The following PALM2AKAP2 variants were observed in gnomAD, a reference collection of about 807,000 sequenced individuals.
PALM2AKAP2 encodes the protein PALM2-AKAP2 fusion protein.
In PALM2AKAP2, 37 loss-of-function variants were observed where a neutral mutation model predicts 71.5. The observed-to-expected ratio is 0.52, with a 90% CI of 0.40 to 0.68. The LOEUF is 0.68. Among genes scored for constraint, PALM2AKAP2 ranks in the 30% least tolerant of loss-of-function variants. The pLI, the probability that PALM2AKAP2 is intolerant of heterozygous loss-of-function variation, is 0.00. For missense variants in PALM2AKAP2, 1,224 were observed against 1,191.8 expected (o/e 1.03, Z -0.40); for synonymous variants, 468 against 478.8 (o/e 0.98, Z 0.29).
At chr9:109,828,477 G>C (rs923380389) in intron 1 of PALM2AKAP2, among the ~76,000 whole-genome samples, 2 of 152,120 alleles carry the variant, frequency 1.3e-5, no homozygotes, top group East Asian at 3.9e-4. Flanking sequence ...ATCAAGCATC[G>C]GTCGATGATT....
intron 1 of PALM2AKAP2, among the ~76,000 whole-genome samples, chr9:109,730,986 T>C (rs1272386406): frequency 6.6e-6 from 1 of 152,194 alleles, no homozygotes; most frequent in Non-Finnish European, 1.5e-5. Flanking sequence ...ATTCCTGAAG[T>C]GCTTTCCTTT....
At chr9:109,734,061 T>TTAAA (rs1349425001) in intron 1 of PALM2AKAP2, among the ~76,000 whole-genome samples, 1 of 152,232 alleles carries the variant, frequency 6.6e-6, no homozygotes, top group Non-Finnish European at 1.5e-5. Flanking sequence ...TAACCTTGAC[T>TTAAA]TAAAGTAAGC....
At chr9:110,021,159 G>A (rs891219391) in intron 7 of PALM2AKAP2, among the ~76,000 whole-genome samples, 2 of 152,068 alleles carry the variant, frequency 1.3e-5, no homozygotes, top group South Asian at 2.1e-4. Context: ...TACCAGATGG[G>A]CCCTAAATCC....
intron 3 of PALM2AKAP2, 44 bp from the exon 11 acceptor site, chr9:110,168,355 T>G: frequency 6.3e-7 from 1 of 1,592,522 alleles, no homozygotes; most frequent in Non-Finnish European, 8.5e-7. Flanking sequence ...TGTTCATAAT[T>G]AACATCCATG....
Position 110,034,113 on chromosome 9 carries a change from C to T in PALM2AKAP2, c.582+18074C>T, listed in dbSNP as rs573659494. Among the ~76,000 whole-genome samples the T allele has an allele frequency of 5.3e-5, 8 of 152,298 alleles. No individual in the cohort carries two copies. The South Asian group carries it at 8.3e-4, about 16-fold the overall frequency. Reference sequence around the variant, plus strand: ...AACCACAGTGCCAGGGCACCTCTTGCCTGTGATCCCTAAGTGCTCTTCTGC... The same window carrying T: ...AACCACAGTGCCAGGGCACCTCTTGTCTGTGATCCCTAAGTGCTCTTCTGC... On this transcript the variant is annotated intron_variant, in intron 7 of 9. Coordinates refer to the PALM2AKAP2 transcript ENST00000302798.
At position 109,761,760 on chromosome 9, in the gene PALM2AKAP2, A is replaced by T. The variant is rs1307506864; in HGVS notation, c.6-18728A>T. On this transcript the variant is annotated intron_variant, in intron 1 of 6. Transcript: ENST00000374531. ...GGTGTATATGTGCCACATTTTCTTT[A>T]TCCAGTCTATCATTGATGGGCATTT... Among the ~76,000 whole-genome samples the T allele has an allele frequency of 2.6e-5, 4 of 152,182 alleles. No homozygotes were observed. The East Asian group carries it at 7.7e-4, about 29-fold the overall frequency.
At chr9:109,867,649 C>G in intron 2 of PALM2AKAP2, 78 bp downstream of exon 2, 6 of 1,495,530 alleles carry the variant, frequency 4.0e-6, no homozygotes, top group Non-Finnish European at 5.3e-6. Context: ...AGTGCCTGCC[C>G]TGCCGTGAAG....
In PALM2AKAP2 at chr9:109,941,085, T is replaced by TCCTTCCTC. The variant is rs1831349609; in HGVS notation, c.496+9058_496+9065dup. On this transcript the variant is annotated intron_variant, in intron 6 of 9. Transcript: ENST00000302798. ...CTTTTCCTCCCTCTCTTTCTTCTTCTCCTTCCTCTTCTTTTTTCTTCCTTC... is the reference window on the plus strand; with the variant it reads ...CTTTTCCTCCCTCTCTTTCTTCTTCTCCTTCCTCCCTTCCTCTTCTTTTTTCTTCCTTC... Among the ~76,000 whole-genome samples, 5 of 151,838 alleles carry TCCTTCCTC rather than the reference T, an allele frequency of 3.3e-5. No homozygotes were observed. The South Asian group carries it at 1.0e-3, about 32-fold the overall frequency.
At chr9:110,032,119 G>GGT (rs1325043567) in intron 7 of PALM2AKAP2, among the ~76,000 whole-genome samples, 4 of 150,502 alleles carry the variant, frequency 2.7e-5, no homozygotes, top group Admixed American at 2.6e-4. Flanking sequence ...TAAGCACACA[G>GGT]GTGTCCTGCA....
At chr9:109,934,038 T>C (rs536420396) in intron 6 of PALM2AKAP2, among the ~76,000 whole-genome samples, 1 of 152,362 alleles carries the variant, frequency 6.6e-6, no homozygotes, top group East Asian at 1.9e-4. Context: ...TTGTCATTAC[T>C]GAGTAGTATA....
intron 3 of PALM2AKAP2, 47 bp downstream of exon 10, chr9:110,162,179 G>A: frequency 6.2e-7 from 1 of 1,607,524 alleles, no homozygotes; most frequent in Non-Finnish European, 8.5e-7. Flanking sequence ...GCATGATCCA[G>A]GTGCATGCTG....
At position 109,780,581 on chromosome 9, in the gene PALM2AKAP2, A is replaced by AG. The variant is rs769539078; in HGVS notation, c.45+53dup. 5.0e-6 allele frequency: 8 copies of AG among 1,612,196 alleles called. No individual in the cohort carries two copies. The Admixed American group carries it at 5.0e-5, about 10-fold the overall frequency. ...TTCTTGCTCTATTGTCTGGGGTGGA[A>AG]GGGGGCCCCCGAGGGTTTCGGGGCA... On this transcript the variant is annotated intron_variant, in intron 1 of 9. Coordinates refer to the PALM2AKAP2 transcript ENST00000302798.
intron 1 of PALM2AKAP2, among the ~76,000 whole-genome samples, chr9:109,851,660 C>G (rs1829024971): frequency 6.6e-6 from 1 of 152,148 alleles, no homozygotes; most frequent in South Asian, 2.1e-4. Flanking sequence ...TGGTGCACTT[C>G]TCCTGAACTT....
At chr9:109,917,305 C>T (rs977712168) in intron 3 of PALM2AKAP2, among the ~76,000 whole-genome samples, 8 of 152,264 alleles carry the variant, frequency 5.3e-5, no homozygotes, top group African/African-American at 1.7e-4. Context: ...TGGCAAACCC[C>T]GTGTCAGACT....
chr9:109,768,036 A>AGGCAGGGAGGTAGG (rs879480476), intron 1 of PALM2AKAP2, among the ~76,000 whole-genome samples: 1 of 112,592 alleles, frequency 8.9e-6, no homozygotes, highest in Admixed American at 9.3e-5. Flanking sequence ...AAGGAAAGAA[A>AGGCAGGGAGGTAGG]AAGAGGGAAG....
In PALM2AKAP2 at chr9:109,893,496, T is replaced by C. The variant is rs575883486; in HGVS notation, c.257+12815T>C. On this transcript the variant is annotated intron_variant, in intron 3 of 9. Coordinates refer to the PALM2AKAP2 transcript ENST00000302798. ...TCTCACTCTGTCGCCCAGGCTGAAA[T>C]GCATTGGTGTGATCTTAGCTCACTG... is the stretch of plus-strand genomic sequence containing the variant. Among the ~76,000 whole-genome samples, 6 of 152,244 alleles carry C rather than the reference T, an allele frequency of 3.9e-5. No homozygotes were observed. The East Asian group carries it at 1.2e-3, about 29-fold the overall frequency.
chr9:109,786,286 A>C (rs1409782779), intron 1 of PALM2AKAP2, among the ~76,000 whole-genome samples: 2 of 152,158 alleles, frequency 1.3e-5, no homozygotes, highest in South Asian at 2.1e-4. Flanking sequence ...TTTACATACT[A>C]TCCAGTCCAG....
intron 3 of PALM2AKAP2, among the ~76,000 whole-genome samples, chr9:109,892,012 C>A (rs1830100894): frequency 6.6e-6 from 1 of 152,176 alleles, no homozygotes; most frequent in African/African-American, 2.4e-5. Context: ...GATATAACTC[C>A]TTAAGATTAC....
chr9:109,814,979 A>G (rs1827816004), intron 1 of PALM2AKAP2, among the ~76,000 whole-genome samples: 1 of 152,166 alleles, frequency 6.6e-6, no homozygotes. Context: ...CCACTGTAGT[A>G]TATGAAGTAA....
Sources: allele counts gnomAD v4.1 joint callset (sites outside exome capture counted in the v4.1 genomes callset), GRCh38; gene constraint gnomAD v4.1.1; transcripts MANE v1.5; gene names NCBI Gene and HGNC (gene_info 2026-07-23, HGNC 2026-07-21).